The following ADAM20 variants were observed in gnomAD, a reference collection of about 807,000 sequenced individuals.
ADAM20 encodes the protein ADAM metallopeptidase domain 20.
For synonymous variants in ADAM20, 305 were observed against 310.2 expected (o/e 0.98, Z 0.18); for missense variants, 871 against 883.2 (o/e 0.99, Z 0.18).
the ADAM20 span, chr14:70,556,324 G>C: frequency 6.6e-6 from 1 of 152,488 alleles, no homozygotes; most frequent in Admixed American, 6.5e-5. Flanking sequence ...GGCCTAAAAG[G>C]CTCTTCCTTT....
At chr14:70,578,543 G>A in the ADAM20 span, among the ~76,000 whole-genome samples, 1 of 152,088 alleles carries the variant, frequency 6.6e-6, no homozygotes, top group Non-Finnish European at 1.5e-5. Flanking sequence ...ACAATCAACA[G>A]AATAAGCAGA....
the ADAM20 span, among the ~76,000 whole-genome samples, chr14:70,565,572 T>A: frequency 6.6e-6 from 1 of 152,278 alleles, no homozygotes; most frequent in African/African-American, 2.4e-5. Flanking sequence ...AGATTCCTCA[T>A]CAGAAACTAT....
chr14:70,576,719 A>G, the ADAM20 span, among the ~76,000 whole-genome samples: 3 of 152,196 alleles, frequency 2.0e-5, no homozygotes, highest in Admixed American at 6.5e-5. Flanking sequence ...TAGGGTACAT[A>G]AAGAGGGTTG....
chr14:70,555,408 G>A, the ADAM20 span, among the ~76,000 whole-genome samples: 4 of 152,192 alleles, frequency 2.6e-5, no homozygotes, highest in Admixed American at 2.0e-4. Context: ...AATTTTAACT[G>A]TCAATTTTTT....
the ADAM20 span, among the ~76,000 whole-genome samples, chr14:70,558,552 T>C: frequency 9.2e-5 from 14 of 151,966 alleles, no homozygotes; most frequent in African/African-American, 2.9e-4. Context: ...GCCCTCAGAG[T>C]TGCTCATTGT....
chr14:70,567,571 A>C, the ADAM20 span, among the ~76,000 whole-genome samples: 1 of 152,132 alleles, frequency 6.6e-6, no homozygotes, highest in East Asian at 1.9e-4. Flanking sequence ...CATTCGGAGA[A>C]AGCATTTTTT....
chr14:70,541,518 G>A, the ADAM20 span, among the ~76,000 whole-genome samples: 1 of 151,846 alleles, frequency 6.6e-6, no homozygotes, highest in Admixed American at 6.6e-5. Flanking sequence ...AATTATACAG[G>A]GTTAAAAAAA....
At chr14:70,566,088 C>CTAA in the ADAM20 span, among the ~76,000 whole-genome samples, 1 of 152,080 alleles carries the variant, frequency 6.6e-6, no homozygotes, top group East Asian at 1.9e-4. Context: ...CAAGTTGAAA[C>CTAA]AAAAAGACAC....
chr14:70,547,274 G>A, the ADAM20 span: 1 of 152,772 alleles, frequency 6.5e-6, no homozygotes, highest in South Asian at 2.1e-4. Context: ...GCTTTAAAGA[G>A]CTAATACCGA....
the ADAM20 span, among the ~76,000 whole-genome samples, chr14:70,546,311 C>T: frequency 6.6e-6 from 1 of 152,118 alleles, no homozygotes; most frequent in Non-Finnish European, 1.5e-5. Context: ...AGGATGTGCA[C>T]CCATGACACA....
the ADAM20 span, among the ~76,000 whole-genome samples, chr14:70,544,714 G>C: frequency 6.6e-6 from 1 of 151,956 alleles, no homozygotes; most frequent in Non-Finnish European, 1.5e-5. Flanking sequence ...ATAAAGAAAT[G>C]ATAAATGTCT....
chr14:70,539,434 G>A (rs887202462), upstream of ADAM20, among the ~76,000 whole-genome samples: 1 of 152,326 alleles, frequency 6.6e-6, no homozygotes, highest in Admixed American at 6.5e-5. Context: ...GCCTATAAAT[G>A]GACGCATGAG....
chr14:70,570,784 T>A, the ADAM20 span, among the ~76,000 whole-genome samples: 421 of 151,786 alleles, frequency 2.8e-3, no homozygotes, highest in African/African-American at 9.9e-3. Context: ...CACCCTGGTA[T>A]CAAAATCTAG....
chr14:70,577,124 A>G, the ADAM20 span, among the ~76,000 whole-genome samples: 1 of 152,218 alleles, frequency 6.6e-6, no homozygotes, highest in Non-Finnish European at 1.5e-5. Flanking sequence ...TTCCCAACTC[A>G]TATGATGCTG....
At chr14:70,555,627 CCTT>C in the ADAM20 span, among the ~76,000 whole-genome samples, 1 of 152,102 alleles carries the variant, frequency 6.6e-6, no homozygotes, top group Non-Finnish European at 1.5e-5. Flanking sequence ...TTTAGTTTTA[CCTT>C]CTTTTTTTCA....
At chr14:70,554,839 C>T in the ADAM20 span, among the ~76,000 whole-genome samples, 1 of 152,008 alleles carries the variant, frequency 6.6e-6, no homozygotes, top group Non-Finnish European at 1.5e-5. Flanking sequence ...AAAAATTGGA[C>T]AAAACGTACA....
At chr14:70,546,094 CTGAA>C in the ADAM20 span, among the ~76,000 whole-genome samples, 1 of 152,116 alleles carries the variant, frequency 6.6e-6, no homozygotes, top group Non-Finnish European at 1.5e-5. Flanking sequence ...CAATAAGCTC[CTGAA>C]TGGCCACTGT....
chr14:70,560,531 T>C, the ADAM20 span, among the ~76,000 whole-genome samples: 8 of 152,094 alleles, frequency 5.3e-5, no homozygotes, highest in African/African-American at 1.9e-4. Context: ...AAAAAAATTA[T>C]AAAATTTTTT....
At chr14:70,528,234 C>T (rs1163601442) in intron 1 of ADAM20, among the ~76,000 whole-genome samples, 2 of 152,270 alleles carry the variant, frequency 1.3e-5, no homozygotes, top group Non-Finnish European at 1.5e-5. Context: ...AAGTTCAATA[C>T]AATATTAAAA....
Sources: gnomAD v4.1 joint callset for allele counts (sites outside exome capture counted in the v4.1 genomes callset) on GRCh38, gnomAD v4.1.1 for gene constraint, MANE v1.5 for transcripts, NCBI Gene and HGNC (gene_info 2026-07-23, HGNC 2026-07-21) for gene names.